LIPA: variants seen among roughly 807,000 people sequenced by gnomAD.
The protein encoded by LIPA is lipase A, lysosomal acid type.
In LIPA, 26 loss-of-function variants were observed where a neutral mutation model predicts 40.6. The observed-to-expected ratio is 0.64, with a 90% confidence interval of 0.47 to 0.89. LIPA has a LOEUF of 0.89. LIPA is among the 40% of genes least tolerant of loss of function. The pLI is 0.00. For missense variants in LIPA, 455 were observed against 479.6 expected (o/e 0.95, Z 0.48); for synonymous variants, 188 against 168.4 (o/e 1.12, Z -0.90).
At chr10:89,255,297 A>G (rs1012971192), upstream of LIPA, among the ~76,000 whole-genome samples, 9 of 152,224 alleles carry the variant, frequency 5.9e-5, no homozygotes, top group African/African-American at 2.2e-4. Context: ...CACGTCTTAC[A>G]TGGCAGCAGA....
intron 2 of LIPA, among the ~76,000 whole-genome samples, chr10:89,359,828 C>G (rs941956619): frequency 2.6e-5 from 4 of 151,368 alleles, no homozygotes; most frequent in African/African-American, 9.7e-5. Context: ...CACACACACA[C>G]ACACACACAC....
At chr10:89,344,408 T>C (rs1490344855), upstream of LIPA, among the ~76,000 whole-genome samples, 1 of 152,182 alleles carries the variant, frequency 6.6e-6, no homozygotes, top group African/African-American at 2.4e-5. Context: ...CATTGTATCA[T>C]AGAACTCACA....
chr10:89,243,410 A>G (rs1395303876), intron 3 of LIPA, among the ~76,000 whole-genome samples: 1 of 152,186 alleles, frequency 6.6e-6, no homozygotes, highest in East Asian at 1.9e-4. Context: ...GATCCCCTAC[A>G]GGGAGGGCCT....
At chr10:89,312,062 C>A (rs1006236162) in intron 1 of LIPA, among the ~76,000 whole-genome samples, 1 of 152,162 alleles carries the variant, frequency 6.6e-6, no homozygotes, top group Non-Finnish European at 1.5e-5. Flanking sequence ...CTTCTTCCTT[C>A]AAGTTTCTCT....
chr10:89,328,153 C>A, intron 1 of LIPA: 1 of 1,367,736 alleles, frequency 7.3e-7, no homozygotes, highest in Non-Finnish European at 1.0e-6. Context: ...ACTGTGCAGG[C>A]ACATTCCTGA....
At chr10:89,290,824 C>T (rs916662822) in intron 1 of LIPA, among the ~76,000 whole-genome samples, 3 of 152,238 alleles carry the variant, frequency 2.0e-5, no homozygotes, top group Non-Finnish European at 4.4e-5. Context: ...AGCCTGCCTG[C>T]ACCCAGGTGA....
intron 8 of LIPA, among the ~76,000 whole-genome samples, chr10:89,221,803 C>G (rs1039790047): frequency 6.6e-6 from 1 of 152,142 alleles, no homozygotes. Context: ...ATGTCTTTAA[C>G]AGCATCTTTT....
At chr10:89,378,143 A>G in intron 2 of LIPA, 1 of 1,614,016 alleles carries the variant, frequency 6.2e-7, no homozygotes, top group Non-Finnish European at 8.5e-7. Flanking sequence ...ACCATGAGGT[A>G]AAGTCTTTCT....
intron 2 of LIPA, among the ~76,000 whole-genome samples, chr10:89,357,899 A>G (rs767653743): frequency 2.0e-5 from 3 of 152,232 alleles, no homozygotes; most frequent in East Asian, 1.9e-4. Context: ...GGTATATCTT[A>G]TTCAAAAGGT....
chr10:89,217,973 C>G (rs1484169512), intron 8 of LIPA, among the ~76,000 whole-genome samples: 1 of 151,854 alleles, frequency 6.6e-6, no homozygotes. Flanking sequence ...AAAATACAAA[C>G]AGAAAATGGC....
intron 1 of LIPA, among the ~76,000 whole-genome samples, chr10:89,288,641 C>A (rs555349480): frequency 1.9e-4 from 29 of 152,222 alleles, no homozygotes; most frequent in African/African-American, 7.0e-4. Context: ...CCTGATCACA[C>A]TTGGTTTATT....
intron 2 of LIPA, chr10:89,383,755 G>A: frequency 6.2e-7 from 1 of 1,614,180 alleles, no homozygotes; most frequent in Non-Finnish European, 8.5e-7. Context: ...GGAAGGATGG[G>A]CCTTGGCGAA....
rs375143123 is a variant in LIPA at position 89,317,663 on chromosome 10, A to T, written c.-2+24948T>A. Among the ~76,000 whole-genome samples the T allele has an allele frequency of 1.2e-4, 18 of 152,380 alleles. No homozygotes were observed. The East Asian group carries it at 1.5e-3, about 13-fold the overall frequency. On this transcript the variant is annotated intron_variant, in intron 1 of 5. Transcript: ENST00000282673. ...ACTCTGCAGGATATTATGCAGGAGA[A>T]CTTCCCCAACCTAGCAAGGGAGGCT...
rs1310595566 is a variant in LIPA, at chr10:89,228,285, C to A, written c.343G>T (p.Val115Leu). The A allele has an allele frequency of 6.2e-7, 1 of 1,614,166 alleles. No homozygotes were observed. ...TTTCCTCTGCTGTTGCCCATCCACACGTCAAAACCAGCATCAGCAAGAATG... is the reference window on the plus strand; with the variant it reads ...TTTCCTCTGCTGTTGCCCATCCACAAGTCAAAACCAGCATCAGCAAGAATG... ...GFILADAGFD[V>L]WMGNSRGNTW... The change falls in exon 4 of 10, where the codon GTG becomes TTG. Residue 115 changes from valine to leucine, a missense_variant. Val to Leu is a conservative substitution (Grantham distance 32). Coordinates refer to ENST00000336233, the MANE Select transcript of LIPA (RefSeq NM_000235.4).
At chr10:89,353,605 C>T (rs1396456246) in intron 2 of LIPA, among the ~76,000 whole-genome samples, 1 of 152,196 alleles carries the variant, frequency 6.6e-6, no homozygotes, top group African/African-American at 2.4e-5. Flanking sequence ...AGCATGCCAA[C>T]TTGCAAACCC....
intron 2 of LIPA, among the ~76,000 whole-genome samples, 197 bp from the exon 3 acceptor site, chr10:89,245,990 A>G (rs1843020012): frequency 6.6e-6 from 1 of 151,980 alleles, no homozygotes; most frequent in South Asian, 2.1e-4. Context: ...CTTGTGTTCC[A>G]CCTACCGGTG....
At chr10:89,366,245 CTCTG>C (rs930102248) in intron 2 of LIPA, among the ~76,000 whole-genome samples, 7 of 152,076 alleles carry the variant, frequency 4.6e-5, no homozygotes, top group African/African-American at 1.7e-4. Context: ...TGATTTGGCT[CTCTG>C]TCTGTTATTG....
At chr10:89,376,212 A>T (rs577781176) in intron 2 of LIPA, among the ~76,000 whole-genome samples, 1 of 150,996 alleles carries the variant, frequency 6.6e-6, no homozygotes, top group Non-Finnish European at 1.5e-5. Context: ...AAAAAAAAGA[A>T]GAAGAAGTCA....
chr10:89,332,559 C>T (rs1180691199), intron 1 of LIPA: 4 of 1,613,684 alleles, frequency 2.5e-6, no homozygotes, highest in Admixed American at 3.3e-5. Context: ...TGCTTGGAAT[C>T]AGTAAGCTAA....
Sources: gnomAD v4.1 joint callset for allele counts (sites outside exome capture counted in the v4.1 genomes callset) on GRCh38, gnomAD v4.1.1 for gene constraint, MANE v1.5 for transcripts, NCBI Gene and HGNC (gene_info 2026-07-23, HGNC 2026-07-21) for gene names.